Variants in WDFY4 observed in about 807,000 individuals in gnomAD.
The protein encoded by WDFY4 is WD repeat- and FYVE domain-containing protein 4.
In WDFY4, 169 loss-of-function variants were observed where a neutral mutation model predicts 351.9. The observed-to-expected ratio is 0.48, with a 90% CI of 0.42 to 0.55. WDFY4 has a LOEUF of 0.55. Ranked by LOEUF, WDFY4 falls within the 20% of genes least tolerant of loss-of-function variation. WDFY4 has a pLI of 0.00. For missense variants in WDFY4, 3,803 were observed against 3,935.6 expected, an observed-to-expected ratio of 0.97 and a Z score of 0.90; for synonymous variants, 1,622 against 1,574.6, an observed-to-expected ratio of 1.03 and a Z score of -0.71.
At position 48,855,933 on chromosome 10, in the gene WDFY4, G is replaced by C. The variant is rs1044611828; in HGVS notation, c.6664-11332G>C. Among the ~76,000 whole-genome samples, 17 of 151,938 alleles carry C rather than the reference G, an allele frequency of 1.1e-4. 1 individual carries two copies. Among genetic ancestry groups the C allele is most frequent in the Non-Finnish European group, 1.2e-4 (8 of 67,932 alleles). On this transcript the variant is annotated intron_variant, in intron 39 of 61. Coordinates refer to ENST00000325239, the MANE Select transcript of WDFY4 (RefSeq NM_001394531.1). ...ATTTATAGATTAAACTTTATCATAG[G>C]TATGTATGTATAGAAAAACAGTATA... is the stretch of plus-strand genomic sequence containing the variant.
intron 32 of WDFY4, among the ~76,000 whole-genome samples, chr10:48,818,267 AG>A (rs1390606908): frequency 2.0e-5 from 3 of 152,194 alleles, no homozygotes; most frequent in Non-Finnish European, 2.9e-5. Flanking sequence ...AATGCTACAT[AG>A]GGGGGTTTAT....
rs41283275 is a variant in WDFY4, at chr10:48,813,995, G to A, written c.5253G>A (p.Arg1751=). Residue 1751 remains arginine (R), a synonymous_variant, in exon 31 of 62, where the codon AGG becomes AGA. Coordinates refer to ENST00000325239, the MANE Select transcript of WDFY4 (RefSeq NM_001394531.1). ...CCATGCTTCAGTGGCTCCTGCAGAGGCACCACCAGGAAGAAGTCCTCCAGG... is the reference window on the plus strand; with the variant it reads ...CCATGCTTCAGTGGCTCCTGCAGAGACACCACCAGGAAGAAGTCCTCCAGG... ...LDAMLQWLLQ[R]HHQEEVLQAG... The A allele has an allele frequency of 0.13, 194,287 of 1,549,670 alleles. 12,888 individuals are homozygous for A. The highest frequency in any genetic ancestry group is 0.22 in the African/African-American group (16,088 of 73,056).
rs2064559310 is a variant in WDFY4, at chr10:48,734,001, A to C, written c.1653A>C (p.Val551=). 1 of 1,552,010 alleles carries C rather than the reference A, an allele frequency of 6.4e-7. No homozygotes were observed. The highest frequency in any genetic ancestry group is 8.7e-7 in the Non-Finnish European group (1 of 1,147,064). Residue 551 remains valine, a synonymous_variant, in exon 10 of 62, where the codon GTA becomes GTC. Coordinates refer to ENST00000325239, the MANE Select transcript of WDFY4 (RefSeq NM_001394531.1). The part of the protein sequence containing the change: ...RELTCVMLRI[V]VTLLKGSVRN... ...TCACCTGTGTGATGCTGAGGATTGTAGTCACACTTCTGAAAGGCTCGGTGA... is the reference window on the plus strand; with the variant it reads ...TCACCTGTGTGATGCTGAGGATTGTCGTCACACTTCTGAAAGGCTCGGTGA...
chr10:48,951,605 C>CAAACAA (rs1377218432), intron 51 of WDFY4, among the ~76,000 whole-genome samples: 1 of 146,170 alleles, frequency 6.8e-6, no homozygotes, highest in Non-Finnish European at 1.5e-5. Context: ...CAAACAAAAA[C>CAAACAA]AAACAAACAA....
At chr10:48,686,532 T>C (rs1267385633) in intron 1 of WDFY4, among the ~76,000 whole-genome samples, 1 of 152,192 alleles carries the variant, frequency 6.6e-6, no homozygotes, top group East Asian at 1.9e-4. Flanking sequence ...CTTGCTTCTT[T>C]TTCTAATTTT....
intron 53 of WDFY4, 114 bp downstream of exon 53, chr10:48,959,927 T>A: frequency 1.1e-6 from 1 of 940,306 alleles, no homozygotes; most frequent in Non-Finnish European, 1.6e-6. Flanking sequence ...GAGGCTCATG[T>A]CTGGAAAACC....
chr10:48,903,019 A>C (rs1399906632), intron 47 of WDFY4, among the ~76,000 whole-genome samples: 1 of 152,100 alleles, frequency 6.6e-6, no homozygotes, highest in Non-Finnish European at 1.5e-5. Context: ...CTGAGGTGGG[A>C]GAATCGCTTG....
At position 48,707,955 on chromosome 10, in the gene WDFY4, TC is replaced by T. The variant is rs1259704974; in HGVS notation, c.-17-1756del. On this transcript the variant is annotated intron_variant, in intron 1 of 61. Coordinates refer to ENST00000325239, the MANE Select transcript of WDFY4 (RefSeq NM_001394531.1). ...TAGCCCCCCAAAAGAAACAACTTAATCCCCCACAAAACCCCATCCCAGTGCC... is the reference window on the plus strand; with the variant it reads ...TAGCCCCCCAAAAGAAACAACTTAATCCCCACAAAACCCCATCCCAGTGCC... Among the ~76,000 whole-genome samples, 5 of 151,232 alleles carry T rather than the reference TC, an allele frequency of 3.3e-5. No individual in the cohort carries two copies. The East Asian group carries it at 9.7e-4, about 29-fold the overall frequency.
At chr10:48,733,514 T>C (rs1449365203) in intron 9 of WDFY4, among the ~76,000 whole-genome samples, 2 of 152,160 alleles carry the variant, frequency 1.3e-5, no homozygotes, top group Non-Finnish European at 2.9e-5. Context: ...CATGGCAAAC[T>C]GTAAAAGTGG....
At chr10:48,916,643 C>T (rs1005535738) in intron 47 of WDFY4, among the ~76,000 whole-genome samples, 3 of 152,132 alleles carry the variant, frequency 2.0e-5, no homozygotes, top group Non-Finnish European at 1.5e-5. Flanking sequence ...AGAAGAGATG[C>T]TCCTGGGAGC....
Position 48,729,582 on chromosome 10 carries a change from G to T in WDFY4, c.1122G>T (p.Glu374Asp). The part of the protein sequence containing the change: ...PQLEGFKFHH[E>D]ASGVTVKNLQ... ...TTGAAGGCTTCAAGTTCCATCATGA[G>T]GCATCTGGTGAGTCTTTCCTGTGTC... Residue 374 changes from glutamate to aspartate, a missense_variant, in exon 8 of 62, where the codon GAG becomes GAT. By Grantham distance (45) the Glu-to-Asp change is conservative (BLOSUM62 2). Transcript: ENST00000325239. The T allele has an allele frequency of 1.3e-6, 2 of 1,551,666 alleles. No homozygotes were observed. The highest frequency in any genetic ancestry group is 1.7e-6 in the Non-Finnish European group (2 of 1,146,972).
rs115319543 is a variant in WDFY4 at position 48,937,185 on chromosome 10, T to C, written c.7587-4621T>C. 8.3e-3 allele frequency among the ~76,000 whole-genome samples: 1,263 copies of C among 152,292 alleles called. 16 individuals are homozygous for C. The highest frequency in any genetic ancestry group is 0.029 in the African/African-American group (1,207 of 41,592). On this transcript the variant is annotated intron_variant, in intron 47 of 61. Coordinates refer to ENST00000325239, the MANE Select transcript of WDFY4 (RefSeq NM_001394531.1). ...TTGGGATTACACGTGTGAGCCACTG[T>C]GCCAGCCAACTTTCAGATTTTTAAC...
chr10:48,877,026 G>C lies in WDFY4; in HGVS notation c.7001-7G>C, dbSNP rs572921963. 1,728 of 1,473,986 alleles carry C rather than the reference G, an allele frequency of 1.2e-3. 39 individuals carry two copies. In the South Asian group the frequency reaches 0.022, roughly 19 times the overall value. The allele number at this position is 1,473,986 out of a possible 1,614,324, so 91.3% of individuals were successfully genotyped here. A position where few individuals can be genotyped will look rare whatever the true frequency, so the allele number is the denominator to read the frequency against. On this transcript the variant is annotated splice_region_variant and splice_polypyrimidine_tract_variant and intron_variant, in intron 42 of 61. Transcript: ENST00000325239. The stretch of plus-strand genomic sequence containing the variant: ...TCAACACCACGTGTCCCTTTATGCT[G>C]CTGCAGATGAACTGACACTGAGGGA...
chr10:48,925,236 T>C (rs1367115790), intron 47 of WDFY4, among the ~76,000 whole-genome samples: 1 of 152,226 alleles, frequency 6.6e-6, no homozygotes, highest in Non-Finnish European at 1.5e-5. Context: ...CCCGAGTGGC[T>C]TCAGATCACT....
intron 1 of WDFY4, among the ~76,000 whole-genome samples, chr10:48,708,885 G>C (rs1457313691): frequency 6.6e-6 from 1 of 152,068 alleles, no homozygotes; most frequent in African/African-American, 2.4e-5. Flanking sequence ...CATCATAGAA[G>C]GAAGTTCTAG....
rs770149135 is a variant in WDFY4, at chr10:48,778,617, C to T, written c.3182C>T (p.Thr1061Ile). 4.5e-6 allele frequency: 7 copies of T among 1,550,712 alleles called. No individual in the cohort carries two copies. In the South Asian group the frequency reaches 8.3e-5, roughly 18 times the overall value. Residue 1061 changes from threonine (T) to isoleucine (I), a missense_variant, in exon 18 of 62, where the codon ACC becomes ATC. This residue lies in a region of WDFY4 where 3,054 missense variants were observed against 3,148.6 expected (regional missense o/e 0.97). Coordinates refer to ENST00000325239, the MANE Select transcript of WDFY4 (RefSeq NM_001394531.1). ...TGCCTGTGTTCCCACCCAGGTGCCA[C>T]CAGACCGTTCCCTCCTCCTGGAGGT... ...SVSGGIGTGA[T>I]RPFPPPGGLT...
At chr10:48,969,788 T>C (rs1322168067) in intron 56 of WDFY4, among the ~76,000 whole-genome samples, 1 of 150,502 alleles carries the variant, frequency 6.6e-6, no homozygotes, top group African/African-American at 2.5e-5. Flanking sequence ...CCCCAAGCTC[T>C]CCCCAGCCCC....
chr10:48,931,532 T>C (rs972227079), intron 47 of WDFY4, among the ~76,000 whole-genome samples: 7 of 152,158 alleles, frequency 4.6e-5, no homozygotes, highest in Non-Finnish European at 1.0e-4. Flanking sequence ...GGGGAGGATA[T>C]GTCAAGCAAA....
intron 47 of WDFY4, 80 bp from the exon 48 acceptor site, chr10:48,941,726 C>T (rs1179613484): frequency 1.4e-6 from 2 of 1,451,860 alleles, no homozygotes; most frequent in Admixed American, 2.0e-5. Context: ...TCCCGTGAAG[C>T]CCAGGCAAGC....
Sources: allele counts gnomAD v4.1 joint callset (sites outside exome capture counted in the v4.1 genomes callset), GRCh38; gene constraint gnomAD v4.1.1; regional missense constraint gnomAD v4.1.1; transcripts MANE v1.5; gene names NCBI Gene and HGNC (gene_info 2026-07-23, HGNC 2026-07-21).